Variants in AGBL4 observed in about 807,000 individuals in gnomAD.
The protein encoded by AGBL4 is AGBL carboxypeptidase 4.
In AGBL4, 58 loss-of-function variants were observed where a neutral mutation model predicts 66.4. That is an observed-to-expected ratio of 0.87 (90% CI 0.71 to 1.09). The LOEUF (loss-of-function observed/expected upper bound fraction) is 1.09. Ranked by LOEUF, AGBL4 falls within the 50% of genes least tolerant of loss-of-function variation. AGBL4 has a pLI of 0.00. For synonymous variants in AGBL4, 234 were observed against 222.9 expected, an observed-to-expected ratio of 1.05 and a Z score of -0.44; for missense variants, 579 against 631.0, an observed-to-expected ratio of 0.92 and a Z score of 0.88.
chr1:49,690,875 C>A (rs1043862313), intron 3 of AGBL4, among the ~76,000 whole-genome samples: 1 of 152,112 alleles, frequency 6.6e-6, no homozygotes, highest in African/African-American at 2.4e-5. Flanking sequence ...GTACTATTAA[C>A]CCCACTGAAT....
intron 5 of AGBL4, among the ~76,000 whole-genome samples, chr1:48,912,366 G>T (rs538487909): frequency 4.1e-4 from 62 of 152,338 alleles, no homozygotes; most frequent in African/African-American, 1.4e-3. Context: ...GGATTGAGGA[G>T]TTGGTTTGGG....
chr1:49,635,270 G>C (rs1210167755), intron 3 of AGBL4, among the ~76,000 whole-genome samples: 4 of 152,084 alleles, frequency 2.6e-5, no homozygotes, highest in Non-Finnish European at 5.9e-5. Context: ...ATATAAATAT[G>C]AAAGATAAAA....
intron 5 of AGBL4, among the ~76,000 whole-genome samples, chr1:48,925,149 T>C (rs200847093): frequency 3.4e-5 from 5 of 145,988 alleles, no homozygotes; most frequent in East Asian, 2.0e-4. Flanking sequence ...TATATATACA[T>C]ACACACACAC....
chr1:48,568,506 G>A (rs952115433), intron 11 of AGBL4, among the ~76,000 whole-genome samples: 4 of 152,204 alleles, frequency 2.6e-5, no homozygotes, highest in Non-Finnish European at 5.9e-5. Flanking sequence ...GGAGTGGCAA[G>A]TGCCAGCCCA....
At chr1:49,124,268 GT>G (rs1364386695) in intron 4 of AGBL4, among the ~76,000 whole-genome samples, 3 of 152,100 alleles carry the variant, frequency 2.0e-5, no homozygotes, top group African/African-American at 7.2e-5. Flanking sequence ...TCCAATCCTG[GT>G]TTGCAATGAA....
intron 3 of AGBL4, among the ~76,000 whole-genome samples, chr1:49,555,765 G>A (rs1035254559): frequency 2.0e-5 from 3 of 151,116 alleles, no homozygotes; most frequent in African/African-American, 7.3e-5. Flanking sequence ...GCAGCCAACA[G>A]ACACATGAAA....
intron 4 of AGBL4, among the ~76,000 whole-genome samples, chr1:49,240,643 G>T (rs1651156429): frequency 6.7e-6 from 1 of 149,838 alleles, no homozygotes; most frequent in African/African-American, 2.5e-5. Flanking sequence ...TAAATGTAGG[G>T]ATTTCTCAGA....
At chr1:49,452,499 C>T (rs1281562927) in intron 3 of AGBL4, among the ~76,000 whole-genome samples, 2 of 151,920 alleles carry the variant, frequency 1.3e-5, no homozygotes, top group Non-Finnish European at 2.9e-5. Context: ...CCCACACCCA[C>T]CTGATGATTA....
chr1:48,857,651 G>A (rs766061043), intron 6 of AGBL4, among the ~76,000 whole-genome samples: 9 of 152,104 alleles, frequency 5.9e-5, no homozygotes, highest in Non-Finnish European at 1.0e-4. Flanking sequence ...AACCCGGAAG[G>A]TGGAGCTTTC....
chr1:49,197,300 C>T (rs1238763114), intron 4 of AGBL4, among the ~76,000 whole-genome samples: 4 of 152,172 alleles, frequency 2.6e-5, no homozygotes, highest in African/African-American at 4.8e-5. Flanking sequence ...GGCTCATGAC[C>T]TCCTGAGTAG....
chr1:48,553,429 G>A (rs1644278160), intron 11 of AGBL4, among the ~76,000 whole-genome samples: 1 of 152,238 alleles, frequency 6.6e-6, no homozygotes, highest in South Asian at 2.1e-4. Context: ...AGAGAAGGAA[G>A]AGAGGAGTTC....
At chr1:49,580,974 C>G (rs1443219751) in intron 3 of AGBL4, among the ~76,000 whole-genome samples, 2 of 152,078 alleles carry the variant, frequency 1.3e-5, no homozygotes. Context: ...TTTGATTCTT[C>G]CCTATCCAGA....
intron 1 of AGBL4, among the ~76,000 whole-genome samples, chr1:49,971,906 G>GGTTTTTTTTTTTTT (rs1658126349): frequency 4.6e-5 from 2 of 43,442 alleles, no homozygotes; most frequent in Non-Finnish European, 8.6e-5. Context: ...GGTTTTTTTG[G>GGTTTTTTTTTTTTT]GTTTTTTTTT....
intron 6 of AGBL4, among the ~76,000 whole-genome samples, chr1:48,859,080 T>C (rs1647276900): frequency 6.6e-6 from 1 of 152,104 alleles, no homozygotes; most frequent in Non-Finnish European, 1.5e-5. Flanking sequence ...TGACGCCTTC[T>C]AAGAGTTTTT....
At chr1:49,190,366 T>C (rs1647093839) in intron 4 of AGBL4, among the ~76,000 whole-genome samples, 1 of 152,228 alleles carries the variant, frequency 6.6e-6, no homozygotes, top group African/African-American at 2.4e-5. Context: ...CTTTATTATA[T>C]TGTTTAAACA....
At chr1:49,404,378 G>A (rs1645151604) in intron 3 of AGBL4, among the ~76,000 whole-genome samples, 1 of 152,154 alleles carries the variant, frequency 6.6e-6, no homozygotes, top group Non-Finnish European at 1.5e-5. Context: ...AGCCAAATTT[G>A]CCACTATCTT....
chr1:49,029,608 C>G (rs145621604), intron 5 of AGBL4, among the ~76,000 whole-genome samples: 2 of 152,146 alleles, frequency 1.3e-5, no homozygotes, highest in Non-Finnish European at 2.9e-5. Flanking sequence ...ATATTCTCCA[C>G]ACTAATTTAC....
At chr1:49,851,878 A>G (rs1646313888) in intron 1 of AGBL4, among the ~76,000 whole-genome samples, 1 of 152,178 alleles carries the variant, frequency 6.6e-6, no homozygotes, top group Non-Finnish European at 1.5e-5. Context: ...TATTCATTAA[A>G]TTGCATCAAC....
intron 3 of AGBL4, among the ~76,000 whole-genome samples, chr1:49,653,296 C>T (rs1646047657): frequency 6.6e-6 from 1 of 151,794 alleles, no homozygotes; most frequent in Non-Finnish European, 1.5e-5. Context: ...TGAAAAACAC[C>T]CCACAAAACC....
Sources: gnomAD v4.1 joint callset for allele counts (sites outside exome capture counted in the v4.1 genomes callset) on GRCh38, gnomAD v4.1.1 for gene constraint, MANE v1.5 for transcripts, NCBI Gene and HGNC (gene_info 2026-07-23, HGNC 2026-07-21) for gene names.